The following SLC39A11 variants were observed in gnomAD, a reference collection of about 807,000 sequenced individuals.
SLC39A11 encodes the protein zinc transporter ZIP11.
Under a neutral mutation model 36.1 loss-of-function variants are expected in SLC39A11, and 33 were observed. The ratio of observed to expected loss-of-function variants is 0.91; its 90% CI spans 0.69 to 1.22. The LOEUF is 1.22. Ranked by LOEUF, SLC39A11 falls within the 50% of genes most tolerant of loss-of-function variation. The pLI is 0.00. For missense variants in SLC39A11, 432 were observed against 430.3 expected (o/e 1.00, Z -0.03); for synonymous variants, 166 against 170.3 (o/e 0.97, Z 0.20).
At chr17:72,825,924 T>C (rs2078010864) in intron 6 of SLC39A11, among the ~76,000 whole-genome samples, 1 of 152,230 alleles carries the variant, frequency 6.6e-6, no homozygotes, top group African/African-American at 2.4e-5. Flanking sequence ...ACTTGCCTTG[T>C]CTCAGATGAG....
chr17:72,861,757 T>C (rs2080042570), intron 5 of SLC39A11, among the ~76,000 whole-genome samples: 1 of 64,260 alleles, frequency 1.6e-5, no homozygotes, highest in Non-Finnish European at 2.7e-5. Flanking sequence ...TATATATATA[T>C]ATATATATAT....
chr17:72,649,227 C>T lies in SLC39A11; in HGVS notation c.713G>A (p.Gly238Asp). ...TCGCAAGGGAAGGCTGACAGCCAGG[C>T]CCTCGGGGAAATTCTGGATCCCGAT... is the stretch of plus-strand genomic sequence containing the variant. ...IGIGIQNFPEGLAVSLPLRGA... is the reference protein window; with the variant it reads ...IGIGIQNFPEDLAVSLPLRGA... The change falls in exon 8 of 10, where the codon GGC (glycine) becomes GAC (aspartate). Residue 238 changes from glycine to aspartate, a missense_variant. Physicochemically the swap from Gly to Asp is moderately conservative, Grantham distance 94 (BLOSUM62 -1). Coordinates refer to ENST00000255559, the MANE Select transcript of SLC39A11 (RefSeq NM_139177.4). The T allele has an allele frequency of 9.3e-6, 15 of 1,614,228 alleles. No individual in the cohort carries two copies. Among genetic ancestry groups the T allele is most frequent in the East Asian group, 2.2e-5 (1 of 44,884 alleles).
intron 6 of SLC39A11, among the ~76,000 whole-genome samples, chr17:72,835,669 C>A (rs2145782689): frequency 6.6e-6 from 1 of 152,286 alleles, no homozygotes; most frequent in East Asian, 1.9e-4. Context: ...CCACGTTGCC[C>A]AGGCTGGTCT....
chr17:73,060,017 C>A (rs373474066), intron 3 of SLC39A11, among the ~76,000 whole-genome samples: 1 of 151,844 alleles, frequency 6.6e-6, no homozygotes, highest in Non-Finnish European at 1.5e-5. Context: ...CAAGACCAGC[C>A]TGGCCAACAT....
rs187420422 is a variant in SLC39A11, at chr17:72,717,827, C to T, written c.671+18823G>A. Among the ~76,000 whole-genome samples, 994 of 152,298 alleles carry T rather than the reference C, an allele frequency of 6.5e-3. 7 individuals carry two copies. Among genetic ancestry groups the T allele is most frequent in the Middle Eastern group, 0.01 (3 of 294 alleles). On this transcript the variant is annotated intron_variant, in intron 7 of 9. Coordinates refer to ENST00000255559, the MANE Select transcript of SLC39A11 (RefSeq NM_139177.4). ...TCACTCTTGCTCTGTAGCTCTCCCT[C>T]GGAGTGACCCTGCACATCGGCTGTC... is the stretch of plus-strand genomic sequence containing the variant.
At chr17:72,653,496 G>A (rs1326231813) in intron 7 of SLC39A11, among the ~76,000 whole-genome samples, 1 of 145,260 alleles carries the variant, frequency 6.9e-6, no homozygotes. Flanking sequence ...AAGTGGTGCA[G>A]TGGCGTGATC....
chr17:73,050,944 C>T (rs910968041), intron 3 of SLC39A11, among the ~76,000 whole-genome samples: 1 of 66,146 alleles, frequency 1.5e-5, no homozygotes, highest in Admixed American at 1.8e-4. Flanking sequence ...GATTACAGGG[C>T]TTGTCAATGG....
intron 7 of SLC39A11, among the ~76,000 whole-genome samples, chr17:72,731,531 C>A (rs1177637026): frequency 1.2e-5 from 1 of 85,720 alleles, no homozygotes; most frequent in Non-Finnish European, 2.2e-5. Flanking sequence ...TTTGTGCAAC[C>A]TTATGCAGTT....
chr17:73,088,891 T>C (rs1307577073), intron 1 of SLC39A11, 116 bp from the exon 2 acceptor site: 3 of 718,094 alleles, frequency 4.2e-6, no homozygotes, highest in Non-Finnish European at 4.8e-6. Context: ...GTTGACCGTA[T>C]GCACCCTTCC....
intron 7 of SLC39A11, among the ~76,000 whole-genome samples, chr17:72,651,181 T>G (rs1329695126): frequency 6.6e-6 from 1 of 152,196 alleles, no homozygotes; most frequent in East Asian, 1.9e-4. Flanking sequence ...ATAGAATTAG[T>G]GCCCATCCCT....
chr17:72,740,353 C>A (rs531169705), intron 6 of SLC39A11, among the ~76,000 whole-genome samples: 1 of 152,140 alleles, frequency 6.6e-6, no homozygotes, highest in South Asian at 2.1e-4. Flanking sequence ...GCGTAAGCCA[C>A]CGCGCCCGGC....
intron 6 of SLC39A11, among the ~76,000 whole-genome samples, chr17:72,752,025 G>A (rs957907353): frequency 1.3e-5 from 2 of 152,068 alleles, no homozygotes; most frequent in Non-Finnish European, 2.9e-5. Context: ...CGCAGAGCAG[G>A]ACTCACACAG....
At chr17:72,675,237 C>T (rs571021029) in intron 7 of SLC39A11, among the ~76,000 whole-genome samples, 2 of 152,212 alleles carry the variant, frequency 1.3e-5, no homozygotes, top group South Asian at 4.2e-4. Flanking sequence ...GAGGGATCCA[C>T]CTTCATGGAT....
intron 5 of SLC39A11, chr17:72,947,490 C>T: frequency 1.9e-6 from 1 of 519,270 alleles, no homozygotes; most frequent in South Asian, 2.4e-5. Flanking sequence ...CACTGTCCAC[C>T]TGTCCAAGTC....
chr17:72,717,157 T>C (rs1374423638), intron 7 of SLC39A11, among the ~76,000 whole-genome samples: 2 of 147,680 alleles, frequency 1.4e-5, no homozygotes, highest in Non-Finnish European at 3.0e-5. Flanking sequence ...TATATGTATA[T>C]ACATATATAT....
chr17:72,855,123 C>T (rs767257941), intron 5 of SLC39A11, among the ~76,000 whole-genome samples: 4 of 152,182 alleles, frequency 2.6e-5, no homozygotes, highest in Non-Finnish European at 4.4e-5. Flanking sequence ...TTTGAAAGTA[C>T]GGCGAAAGTT....
chr17:72,707,962 A>G lies in SLC39A11; in HGVS notation c.671+28688T>C, dbSNP rs111669941. Among the ~76,000 whole-genome samples the G allele has an allele frequency of 9.6e-4, 146 of 152,370 alleles. 1 individual carries two copies. Among genetic ancestry groups the G allele is most frequent in the African/African-American group, 3.2e-3 (134 of 41,588 alleles). On this transcript the variant is annotated intron_variant, in intron 7 of 9. Transcript: ENST00000255559. The stretch of plus-strand genomic sequence containing the variant: ...ACATAATCAATTCTAATTTCTGCAG[A>G]ACAATAACTACACTATAATAATTTT...
rs539029255 is a variant in SLC39A11 at position 72,676,414 on chromosome 17, C to T, written c.672-27146G>A. Reference sequence around the variant, plus strand: ...CAAGAGCAAATGGGATCTGTAACCTCGATGATCACAACATTTCAATATGGT... The same window carrying T: ...CAAGAGCAAATGGGATCTGTAACCTTGATGATCACAACATTTCAATATGGT... On this transcript the variant is annotated intron_variant, in intron 7 of 9. Coordinates refer to ENST00000255559, the MANE Select transcript of SLC39A11 (RefSeq NM_139177.4). Among the ~76,000 whole-genome samples the T allele has an allele frequency of 9.2e-5, 14 of 152,090 alleles. No individual in the cohort carries two copies. The East Asian group carries it at 9.7e-4, about 11-fold the overall frequency.
intron 4 of SLC39A11, among the ~76,000 whole-genome samples, chr17:72,979,763 C>T (rs1177664758): frequency 6.6e-6 from 1 of 152,146 alleles, no homozygotes; most frequent in Non-Finnish European, 1.5e-5. Context: ...AGGTAGCATG[C>T]TGGAAAACCA....
Sources: gnomAD v4.1 joint callset for allele counts (sites outside exome capture counted in the v4.1 genomes callset) on GRCh38, gnomAD v4.1.1 for gene constraint, MANE v1.5 for transcripts, NCBI Gene and HGNC (gene_info 2026-07-23, HGNC 2026-07-21) for gene names.